Variants in ETNK2 observed in about 807,000 individuals in gnomAD.
ETNK2 encodes ethanolamine kinase 2, also known as ethanolamine kinase-like protein.
ETNK2 carries 33 observed loss-of-function variants against 46.2 expected under a neutral mutation model. That is an observed-to-expected ratio of 0.71 (90% CI 0.54 to 0.96). The LOEUF (loss-of-function observed/expected upper bound fraction) is 0.96. Among genes scored for constraint, ETNK2 ranks in the 40% least tolerant of loss-of-function variants. The probability of loss-of-function intolerance (pLI) is 0.00; values close to 1 mark genes in which losing one functional copy is unlikely to be tolerated. For missense variants in ETNK2, 445 were observed against 509.7 expected (o/e 0.87, Z 1.22); for synonymous variants, 194 against 209.0 (o/e 0.93, Z 0.62).
At chr1:204,136,118 A>G (rs1001861744) in intron 6 of ETNK2, among the ~76,000 whole-genome samples, 1 of 152,194 alleles carries the variant, frequency 6.6e-6, no homozygotes, top group Non-Finnish European at 1.5e-5. Flanking sequence ...ACATATAGCC[A>G]GGCATGGTAG....
chr1:204,136,959 A>C, intron 6 of ETNK2, 145 bp downstream of exon 6: 1 of 1,072,810 alleles, frequency 9.3e-7, no homozygotes, highest in Middle Eastern at 2.5e-4. Context: ...CCCAGGCTTC[A>C]CCTCTAGGGT....
chr1:204,149,649 C>G (rs1657925647), intron 2 of ETNK2, 54 bp downstream of exon 2: 2 of 1,514,034 alleles, frequency 1.3e-6, no homozygotes, highest in Non-Finnish European at 1.8e-6. Context: ...CCAAGGATTT[C>G]CAAGCCCAAG....
chr1:204,151,521 C>T lies in ETNK2; in HGVS notation c.258+74G>A. 3.3e-6 allele frequency: 5 copies of T among 1,533,866 alleles called. 1 individual carries two copies. In the Middle Eastern group the frequency reaches 5.9e-4, roughly 182 times the overall value. ...CCTGGGACTGACACCCGGAAGGATG[C>T]GAGGACTGGGTCCCCGCATCCCCCT... On this transcript the variant is annotated intron_variant, in intron 1 of 7. Coordinates refer to ENST00000367202, the MANE Select transcript of ETNK2 (RefSeq NM_018208.4). The surrounding 1 kb of genome is among the most constrained non-coding windows in gnomAD (Gnocchi z 8.0).
intron 7 of ETNK2, among the ~76,000 whole-genome samples, chr1:204,133,732 C>T (rs1259578547): frequency 6.6e-6 from 1 of 151,668 alleles, no homozygotes; most frequent in Non-Finnish European, 1.5e-5. Flanking sequence ...GGGGTTTCAC[C>T]GTGTTAGCCA....
At position 204,151,241 on chromosome 1, in the gene ETNK2, G is replaced by A. The variant is rs1315487753; in HGVS notation, c.258+354C>T. 4.9e-6 allele frequency: 2 copies of A among 406,694 alleles called. No homozygotes were observed. Among genetic ancestry groups the A allele is most frequent in the Non-Finnish European group, 8.8e-6 (2 of 226,382 alleles). 25.2% of individuals were successfully genotyped at this position (406,694 alleles called of 1,614,324 possible). A position where few individuals can be genotyped will look rare whatever the true frequency, so the allele number is the denominator to read the frequency against. On this transcript the variant is annotated intron_variant, in intron 1 of 7. Coordinates refer to ENST00000367202, the MANE Select transcript of ETNK2 (RefSeq NM_018208.4). This position sits in a 1 kb window ranked among gnomAD's most constrained non-coding sequence, Gnocchi z 8.0. ...GGCGGGGGGTCTCTTAAAAGTTCCC[G>A]CCTCCTCAGGTTTCAGAGCTGGCTG...
At chr1:204,143,238 C>G (rs773970438) in intron 3 of ETNK2, among the ~76,000 whole-genome samples, 6 of 146,810 alleles carry the variant, frequency 4.1e-5, no homozygotes, top group Non-Finnish European at 9.0e-5. Context: ...TTTTTTTTTT[C>G]TTGGACTGAG....
At chr1:204,144,174 C>T (rs533454091) in intron 3 of ETNK2, among the ~76,000 whole-genome samples, 13 of 151,722 alleles carry the variant, frequency 8.6e-5, no homozygotes, top group African/African-American at 2.7e-4. Context: ...GACAAAACCC[C>T]GTCCCTACTA....
chr1:204,141,921 C>G (rs925723522), intron 3 of ETNK2: 14 of 160,864 alleles, frequency 8.7e-5, no homozygotes, highest in Non-Finnish European at 1.6e-4. Flanking sequence ...GTGCAGCTCC[C>G]TAAGTCGAGC....
At position 204,146,004 on chromosome 1, in the gene ETNK2, C is replaced by CA. The variant is rs557698416; in HGVS notation, c.641+637dup. ...GGAACCCTGTCTTATCAGGGAAAGG[C>CA]AATGTCAGGATGGGTGGTCTATCTC... is the stretch of plus-strand genomic sequence containing the variant. On this transcript the variant is annotated intron_variant, in intron 3 of 7. Coordinates refer to ENST00000367202, the MANE Select transcript of ETNK2 (RefSeq NM_018208.4). Among the ~76,000 whole-genome samples the CA allele has an allele frequency of 1.2e-4, 19 of 152,240 alleles. No individual in the cohort carries two copies. In the South Asian group the frequency reaches 3.5e-3, roughly 28 times the overall value.
At chr1:204,142,628 T>C (rs1657599425) in intron 3 of ETNK2, 1 of 152,312 alleles carries the variant, frequency 6.6e-6, no homozygotes, top group Non-Finnish European at 1.5e-5. Flanking sequence ...CTGTGTCACC[T>C]GTTTGTGTTT....
intron 3 of ETNK2, chr1:204,141,690 A>G (rs1446652577): frequency 1.1e-5 from 6 of 543,698 alleles, no homozygotes; most frequent in Non-Finnish European, 2.0e-5. Context: ...ATGGGCGTCA[A>G]AGCATGAGGC....
At chr1:204,145,034 T>C (rs1292975082) in intron 3 of ETNK2, among the ~76,000 whole-genome samples, 2 of 152,192 alleles carry the variant, frequency 1.3e-5, no homozygotes, top group African/African-American at 4.8e-5. Context: ...TCAATGTCTG[T>C]GAAATGAAGG....
intron 3 of ETNK2, among the ~76,000 whole-genome samples, chr1:204,144,749 A>T (rs1379915192): frequency 6.6e-6 from 1 of 152,084 alleles, no homozygotes; most frequent in Non-Finnish European, 1.5e-5. Context: ...CCTCCCAAAG[A>T]TCTGCTCCAG....
rs116825650 is a variant in ETNK2 at position 204,141,909 on chromosome 1, C to T, written c.642-452G>A. ...GATGCTGGGAAAACTCCCCAGGAGGCGGTGCAGCTCCCTAAGTCGAGCTGA... is the reference window on the plus strand; with the variant it reads ...GATGCTGGGAAAACTCCCCAGGAGGTGGTGCAGCTCCCTAAGTCGAGCTGA... On this transcript the variant is annotated intron_variant, in intron 3 of 7. Transcript: ENST00000367202. 5.4e-3 allele frequency: 887 copies of T among 163,056 alleles called. 7 individuals are homozygous for T. The highest frequency in any genetic ancestry group is 0.02 in the African/African-American group (834 of 41,678). 10.1% of individuals were successfully genotyped at this position (163,056 alleles called of 1,614,324 possible).
chr1:204,149,700 C>T lies in ETNK2; in HGVS notation c.518+3G>A, dbSNP rs562912778. ...GAGACAGAGGCCCTGGCACCCTCCT[C>T]ACCTGAAAAGCCGGGGCTCACGGAT... On this transcript the variant is annotated splice_donor_region_variant and intron_variant, in intron 2 of 7. Coordinates refer to ENST00000367202, the MANE Select transcript of ETNK2 (RefSeq NM_018208.4). The T allele has an allele frequency of 2.5e-5, 39 of 1,577,840 alleles. No individual in the cohort carries two copies. The South Asian group carries it at 4.3e-4, about 17-fold the overall frequency.
At position 204,134,540 on chromosome 1, in the gene ETNK2, A is replaced by T; in HGVS notation, c.1063T>A (p.Ser355Thr). The T allele has an allele frequency of 6.2e-7, 1 of 1,613,980 alleles. No homozygotes were observed. Among genetic ancestry groups the T allele is most frequent in the Non-Finnish European group, 8.5e-7 (1 of 1,179,876 alleles). The change falls in exon 7 of 8, where the codon TCC (serine) becomes ACC (threonine). Residue 355 changes from serine (S) to threonine (T), a missense_variant. By Grantham distance (58) the Ser-to-Thr change is moderately conservative (BLOSUM62 1). Transcript: ENST00000367202. ...ALWALIQNQY[S>T]TIDFDFLRYA... Reference sequence around the variant, plus strand: ...CTGAGGAAATCAAAGTCGATGGTGGAGTACTGGTTCTGGATGAGGGCCCAG... The same window carrying T: ...CTGAGGAAATCAAAGTCGATGGTGGTGTACTGGTTCTGGATGAGGGCCCAG...
chr1:204,147,987 G>T (rs573677582), intron 2 of ETNK2, among the ~76,000 whole-genome samples: 79 of 152,218 alleles, frequency 5.2e-4, no homozygotes, highest in Non-Finnish European at 9.8e-4. Context: ...AACAGAGCAT[G>T]AACAGAGCGT....
At chr1:204,141,192 T>G in intron 4 of ETNK2, 123 bp downstream of exon 4, 1 of 1,199,078 alleles carries the variant, frequency 8.3e-7, no homozygotes, top group Non-Finnish European at 1.2e-6. Context: ...ACAAATTAAC[T>G]TAAGACCTAA....
chr1:204,146,530 C>T, intron 3 of ETNK2, 112 bp downstream of exon 3: 2 of 1,294,488 alleles, frequency 1.5e-6, no homozygotes, highest in South Asian at 2.7e-5. Flanking sequence ...ACTCCCCAGC[C>T]TCCTCCCCGA....
Sources: gnomAD v4.1 joint callset for allele counts (sites outside exome capture counted in the v4.1 genomes callset) on GRCh38, gnomAD v4.1.1 for gene constraint, Gnocchi (gnomAD v3.1) non-coding constraint, MANE v1.5 for transcripts, NCBI Gene and HGNC (gene_info 2026-07-23, HGNC 2026-07-21) for gene names.